Variants in WDR41 observed in about 807,000 individuals in gnomAD.
WDR41 encodes the protein WD repeat domain 41.
In WDR41, 63 loss-of-function variants were observed where a neutral mutation model predicts 69.3. That is an observed-to-expected ratio of 0.91 (90% CI 0.74 to 1.12). The LOEUF (loss-of-function observed/expected upper bound fraction) is 1.12. Among genes scored for constraint, WDR41 ranks in the 50% most tolerant of loss-of-function variants. WDR41 has a pLI of 0.00. For synonymous variants in WDR41, 185 were observed against 192.1 expected, an observed-to-expected ratio of 0.96 and a Z score of 0.31; for missense variants, 543 against 534.5, an observed-to-expected ratio of 1.02 and a Z score of -0.16.
chr5:77,442,234 C>T (rs1581696138), intron 8 of WDR41, among the ~76,000 whole-genome samples: 1 of 152,244 alleles, frequency 6.6e-6, no homozygotes, highest in African/African-American at 2.4e-5. Flanking sequence ...TTGTTACATA[C>T]ATATATGTAC....
chr5:77,542,037 T>C (rs1743097480), intron 1 of WDR41, among the ~76,000 whole-genome samples: 2 of 152,120 alleles, frequency 1.3e-5, no homozygotes, highest in South Asian at 4.2e-4. Context: ...CCATCAATGA[T>C]AGGCTGGATA....
intron 6 of WDR41, chr5:77,452,981 T>C (rs1309608999): frequency 3.9e-5 from 6 of 152,184 alleles, no homozygotes; most frequent in Non-Finnish European, 8.8e-5. Flanking sequence ...CAGGGAAATA[T>C]ATTCTAGATT....
At chr5:77,471,652 T>C (rs1800618582) in intron 2 of WDR41, among the ~76,000 whole-genome samples, 2 of 152,226 alleles carry the variant, frequency 1.3e-5, no homozygotes, top group African/African-American at 2.4e-5. Flanking sequence ...AAAACACCTC[T>C]ATGCAAATAA....
At position 77,594,709 on chromosome 5, in the gene WDR41, C is replaced by T. The variant is rs115784772; in HGVS notation, c.42+25770G>A. On this transcript the variant is annotated intron_variant, in intron 1 of 5. Coordinates refer to the WDR41 transcript ENST00000509971. ...CCCAACCTTCTCCTTTCTATGGTAA[C>T]GTAACAGAGCCCTTCACTGTCTGAG... Among the ~76,000 whole-genome samples, 523 of 152,190 alleles carry T rather than the reference C, an allele frequency of 3.4e-3. 4 individuals carry two copies. The highest frequency in any genetic ancestry group is 0.011 in the African/African-American group (456 of 41,532).
intron 1 of WDR41, among the ~76,000 whole-genome samples, chr5:77,558,331 T>C (rs1283172656): frequency 6.6e-6 from 1 of 151,798 alleles, no homozygotes; most frequent in Non-Finnish European, 1.5e-5. Flanking sequence ...CTAAGAAAAA[T>C]AGAAAAGGAA....
chr5:77,433,081 G>A lies in WDR41; in HGVS notation c.*54C>T, dbSNP rs1226891084. 1.3e-6 allele frequency: 2 copies of A among 1,530,200 alleles called. No individual in the cohort carries two copies. The highest frequency in any genetic ancestry group is 2.3e-5 in the East Asian group (1 of 43,162). 94.8% of individuals were successfully genotyped at this position (1,530,200 alleles called of 1,614,324 possible). Reference sequence around the variant, plus strand: ...CAATATATTAATGGTTTTCAGAGTAGTACCCGATATTTGATGTTCAAGGTT... The same window carrying A: ...CAATATATTAATGGTTTTCAGAGTAATACCCGATATTTGATGTTCAAGGTT... On this transcript the variant is annotated 3_prime_UTR_variant, in exon 13 of 13. Transcript: ENST00000296679.
chr5:77,613,667 T>C (rs1453715893), intron 1 of WDR41, among the ~76,000 whole-genome samples: 2 of 152,226 alleles, frequency 1.3e-5, no homozygotes, highest in South Asian at 2.1e-4. Flanking sequence ...AAGATTTATA[T>C]GTTAGACCTA....
intron 2 of WDR41, 139 bp downstream of exon 2, chr5:77,489,312 CCAATTT>C (rs1226881959): frequency 2.2e-5 from 10 of 456,830 alleles, no homozygotes; most frequent in Non-Finnish European, 3.4e-5. Flanking sequence ...GATGCAGAGG[CCAATTT>C]CAATTTCTAC....
At chr5:77,528,863 A>G (rs940469493) in intron 1 of WDR41, among the ~76,000 whole-genome samples, 1 of 151,644 alleles carries the variant, frequency 6.6e-6, no homozygotes, top group Non-Finnish European at 1.5e-5. Flanking sequence ...AACTTTCAGC[A>G]AACTACAATT....
intron 1 of WDR41, among the ~76,000 whole-genome samples, chr5:77,596,129 T>C (rs1459566991): frequency 6.6e-6 from 1 of 152,192 alleles, no homozygotes; most frequent in Non-Finnish European, 1.5e-5. Flanking sequence ...TACAATAATA[T>C]AACATTTAAT....
At chr5:77,503,468 A>G (rs952619244) in intron 1 of WDR41, among the ~76,000 whole-genome samples, 19 of 152,096 alleles carry the variant, frequency 1.2e-4, no homozygotes, top group African/African-American at 4.6e-4. Flanking sequence ...ACAGATCAAC[A>G]AGACAGAAGG....
At chr5:77,563,495 CTTGAAGTAT>C (rs1743562308) in intron 1 of WDR41, among the ~76,000 whole-genome samples, 1 of 152,178 alleles carries the variant, frequency 6.6e-6, no homozygotes, top group South Asian at 2.1e-4. Flanking sequence ...TCATCCATGT[CTTGAAGTAT>C]TTGAAGTCAT....
Position 77,438,273 on chromosome 5 carries a change from G to A in WDR41, c.971C>T (p.Ser324Phe), listed in dbSNP as rs746850102. The change falls in exon 10 of 13, where the codon TCC (serine) becomes TTC (phenylalanine). Residue 324 changes from serine to phenylalanine, a missense_variant. Transcript: ENST00000296679. ...AAGTCTGGCAACGTGCAGGACATTGGAGTCATGTGCAGTTTTCTGGCAGGC... is the reference window on the plus strand; with the variant it reads ...AAGTCTGGCAACGTGCAGGACATTGAAGTCATGTGCAGTTTTCTGGCAGGC... Reference protein sequence around the residue: ...VIACQKTAHDSNVLHVARLPN... With the variant: ...VIACQKTAHDFNVLHVARLPN... 70 of 1,614,054 alleles carry A rather than the reference G, an allele frequency of 4.3e-5. No homozygotes were observed. Among genetic ancestry groups the A allele is most frequent in the Middle Eastern group, 1.6e-4 (1 of 6,062 alleles).
intron 1 of WDR41, among the ~76,000 whole-genome samples, chr5:77,529,773 G>A (rs907212879): frequency 6.6e-6 from 1 of 151,546 alleles, no homozygotes; most frequent in Non-Finnish European, 1.5e-5. Flanking sequence ...TGGGGAAATA[G>A]TGATCTTTAA....
chr5:77,458,974 C>T lies in WDR41; in HGVS notation c.411+88G>A. On this transcript the variant is annotated intron_variant, in intron 5 of 12. Coordinates refer to ENST00000296679, the MANE Select transcript of WDR41 (RefSeq NM_018268.4). ...GGAAAGAAATAATTCATAAGACCCA[C>T]AAAAGTAATTTCGTCTAACTCTTTA... The T allele has an allele frequency of 3.2e-6, 3 of 950,532 alleles. No homozygotes were observed. In the Admixed American group the frequency reaches 7.0e-5, roughly 22 times the overall value. The allele number at this position is 950,532 out of a possible 1,614,324, so 58.9% of individuals were successfully genotyped here.
chr5:77,535,931 G>C (rs1020250562), intron 1 of WDR41, among the ~76,000 whole-genome samples: 1 of 152,142 alleles, frequency 6.6e-6, no homozygotes, highest in South Asian at 2.1e-4. Flanking sequence ...TCTTTCATCT[G>C]CCCTTATAAG....
At chr5:77,562,851 T>C (rs904704396) in intron 1 of WDR41, among the ~76,000 whole-genome samples, 93 of 152,166 alleles carry the variant, frequency 6.1e-4, no homozygotes, top group African/African-American at 2.2e-3. Context: ...CAAATCCTAT[T>C]TATCCTTTAA....
At position 77,558,014 on chromosome 5, in the gene WDR41, A is replaced by G. The variant is rs139371814; in HGVS notation, c.42+62465T>C. Reference sequence around the variant, plus strand: ...TGCAGTGAGTAAGAACAAGCAAATAAAAACCCCACGTCAGTGTAATGATTA... The same window carrying G: ...TGCAGTGAGTAAGAACAAGCAAATAGAAACCCCACGTCAGTGTAATGATTA... On this transcript the variant is annotated intron_variant, in intron 1 of 5. Coordinates refer to the WDR41 transcript ENST00000509971. 1.9e-4 allele frequency among the ~76,000 whole-genome samples: 29 copies of G among 151,394 alleles called. No individual in the cohort carries two copies. The East Asian group carries it at 5.5e-3, about 29-fold the overall frequency.
intron 1 of WDR41, among the ~76,000 whole-genome samples, chr5:77,543,448 T>A (rs148597482): frequency 0.13 from 19,826 of 151,504 alleles, 1,576 homozygotes; most frequent in South Asian, 0.25. Context: ...ATAGATAGCA[T>A]AAATAAAAAA....
Sources: allele counts gnomAD v4.1 joint callset (sites outside exome capture counted in the v4.1 genomes callset), GRCh38; gene constraint gnomAD v4.1.1; transcripts MANE v1.5; gene names NCBI Gene and HGNC (gene_info 2026-07-23, HGNC 2026-07-21).